MICU1: variants seen among roughly 807,000 people sequenced by gnomAD.
MICU1 encodes mitochondrial calcium uptake 1, also known as calcium uptake protein 1, mitochondrial.
MICU1 carries 45 observed loss-of-function variants against 56.8 expected under a neutral mutation model. The ratio of observed to expected loss-of-function variants is 0.79; its 90% CI spans 0.62 to 1.02. The LOEUF (loss-of-function observed/expected upper bound fraction) is 1.02, where lower values mean the gene tolerates loss of function less well. Ranked by LOEUF, MICU1 falls within the 50% of genes least tolerant of loss-of-function variation. The pLI is 0.00. For missense variants in MICU1, 504 were observed against 587.1 expected (o/e 0.86, Z 1.46); for synonymous variants, 186 against 195.1 (o/e 0.95, Z 0.39).
In MICU1 at chr10:72,465,316, T is replaced by G. The variant is rs548027403; in HGVS notation, c.933+9784A>C. Among the ~76,000 whole-genome samples the G allele has an allele frequency of 4.3e-4, 65 of 150,542 alleles. No individual in the cohort carries two copies. The South Asian group carries it at 9.2e-3, about 21-fold the overall frequency. ...CCCAGCCCATAGTTTTTTGTTTTTT[T>G]TTTTTTTTTTGGTAAAAACCCTTAA... On this transcript the variant is annotated intron_variant, in intron 8 of 11. Coordinates refer to ENST00000361114, the MANE Select transcript of MICU1 (RefSeq NM_001195518.2).
chr10:72,508,677 G>A (rs1204609260), intron 5 of MICU1: 1 of 153,084 alleles, frequency 6.5e-6, no homozygotes, highest in Non-Finnish European at 1.5e-5. Flanking sequence ...AGAAAAACTA[G>A]ACTGATAGTG....
chr10:72,423,155 A>C (rs1864232362), intron 9 of MICU1, 79 bp downstream of exon 9: 1 of 1,517,642 alleles, frequency 6.6e-7, no homozygotes, highest in African/African-American at 1.4e-5. Flanking sequence ...TACTCTCATC[A>C]TTATGTTAAT....
intron 2 of MICU1, among the ~76,000 whole-genome samples, chr10:72,565,528 T>C (rs1473492342): frequency 2.7e-5 from 4 of 149,586 alleles, no homozygotes; most frequent in Admixed American, 1.3e-4. Flanking sequence ...TTAGGAGATA[T>C]ACCTAATGTT....
chr10:72,376,619 G>A (rs944114306), intron 10 of MICU1, among the ~76,000 whole-genome samples: 11 of 152,138 alleles, frequency 7.2e-5, no homozygotes, highest in Non-Finnish European at 1.6e-4. Context: ...AACACTCTAT[G>A]TAACAGAGTG....
intron 10 of MICU1, 89 bp from the exon 11 acceptor site, chr10:72,375,961 A>T: frequency 8.3e-7 from 1 of 1,207,244 alleles, no homozygotes; most frequent in Non-Finnish European, 1.2e-6. Context: ...CAGTCATAAT[A>T]CAAGTTTTCA....
Position 72,508,241 on chromosome 10 carries a change from G to T in MICU1, c.566C>A (p.Ala189Asp). ...KKISQEREKF[A>D]DEGSIFYTLG... is the part of the protein sequence containing the mutation. The stretch of plus-strand genomic sequence containing the variant: ...GGTGTAAAATATACTGCCTTCATCA[G>T]CAAATTTTTCTCGTTCCTGGGAAAT... Residue 189 changes from alanine to aspartate, a missense_variant, in exon 6 of 12, where the codon GCT becomes GAT. Ala to Asp is a moderately radical substitution (Grantham distance 126). Coordinates refer to ENST00000361114, the MANE Select transcript of MICU1 (RefSeq NM_001195518.2). The T allele has an allele frequency of 1.3e-6, 2 of 1,522,286 alleles. No individual in the cohort carries two copies. The highest frequency in any genetic ancestry group is 1.8e-6 in the Non-Finnish European group (2 of 1,119,362). 94.3% of individuals were successfully genotyped at this position (1,522,286 alleles called of 1,614,324 possible). A position where few individuals can be genotyped will look rare whatever the true frequency, so the allele number is the denominator to read the frequency against.
At chr10:72,488,506 A>C (rs1866547533) in intron 6 of MICU1, among the ~76,000 whole-genome samples, 1 of 152,210 alleles carries the variant, frequency 6.6e-6, no homozygotes, top group Non-Finnish European at 1.5e-5. Flanking sequence ...AGAAAAGAGA[A>C]AAATATTATA....
chr10:72,599,442 C>T (rs1228891510), intron 1 of MICU1, among the ~76,000 whole-genome samples: 1 of 152,094 alleles, frequency 6.6e-6, no homozygotes, highest in Non-Finnish European at 1.5e-5. Context: ...CAACTCCATC[C>T]CACCTGGAAC....
chr10:72,519,666 G>GT (rs1867759273), intron 5 of MICU1, among the ~76,000 whole-genome samples: 1 of 152,204 alleles, frequency 6.6e-6, no homozygotes, highest in Non-Finnish European at 1.5e-5. Flanking sequence ...TGAGCGCTAA[G>GT]TGTGCTCAAA....
chr10:72,506,911 C>T (rs752967266), intron 6 of MICU1, among the ~76,000 whole-genome samples: 7 of 152,088 alleles, frequency 4.6e-5, no homozygotes, highest in Non-Finnish European at 8.8e-5. Context: ...ACTGCTCCAC[C>T]GTATGAATTT....
At chr10:72,495,320 C>T (rs1019039764) in intron 6 of MICU1, among the ~76,000 whole-genome samples, 3 of 151,874 alleles carry the variant, frequency 2.0e-5, no homozygotes, top group African/African-American at 4.8e-5. Context: ...GCCAAAGTGA[C>T]GGCTTATGCC....
intron 10 of MICU1, among the ~76,000 whole-genome samples, chr10:72,381,591 G>A (rs1589154435): frequency 2.0e-5 from 3 of 152,102 alleles, no homozygotes; most frequent in Non-Finnish European, 2.9e-5. Flanking sequence ...TGTTCTGTAC[G>A]GTGCTCTTAG....
At chr10:72,595,843 T>C (rs1183243368) in intron 1 of MICU1, among the ~76,000 whole-genome samples, 1 of 152,134 alleles carries the variant, frequency 6.6e-6, no homozygotes, top group Non-Finnish European at 1.5e-5. Flanking sequence ...GATGAAAACA[T>C]TCTAGGCCAG....
intron 8 of MICU1, among the ~76,000 whole-genome samples, chr10:72,471,930 T>TTGTGTGTGTGTG (rs58543867): frequency 3.8e-4 from 57 of 150,386 alleles, no homozygotes; most frequent in South Asian, 6.3e-4. Flanking sequence ...CACTATGCCT[T>TTGTGTGTGTGTG]TGTGTGTGTG....
chr10:72,403,670 T>TGTG (rs1554862082), intron 10 of MICU1, among the ~76,000 whole-genome samples: 10 of 149,576 alleles, frequency 6.7e-5, no homozygotes, highest in South Asian at 4.2e-4. Context: ...TGTGTGTGTG[T>TGTG]TTTGAGACGG....
chr10:72,600,872 C>T (rs1841513760), intron 1 of MICU1, among the ~76,000 whole-genome samples: 2 of 152,104 alleles, frequency 1.3e-5, no homozygotes. Flanking sequence ...GAACATATCC[C>T]CCCGTAGATA....
intron 1 of MICU1, among the ~76,000 whole-genome samples, chr10:72,613,636 A>G (rs1841908759): frequency 6.6e-6 from 1 of 152,064 alleles, no homozygotes; most frequent in Non-Finnish European, 1.5e-5. Context: ...CTACATAACT[A>G]CATTATCAAA....
chr10:72,552,045 T>C (rs1020726058), intron 3 of MICU1, among the ~76,000 whole-genome samples: 4 of 152,206 alleles, frequency 2.6e-5, no homozygotes, highest in African/African-American at 4.8e-5. Flanking sequence ...CAAAAGCTAG[T>C]AGGTCTTCAA....
chr10:72,408,645 C>T (rs1186067302), intron 9 of MICU1, among the ~76,000 whole-genome samples: 1 of 152,138 alleles, frequency 6.6e-6, no homozygotes, highest in East Asian at 1.9e-4. Context: ...TCCAATTAGA[C>T]ACACTATCAA....
Sources: gnomAD v4.1 joint callset for allele counts (sites outside exome capture counted in the v4.1 genomes callset) on GRCh38, gnomAD v4.1.1 for gene constraint, MANE v1.5 for transcripts, NCBI Gene and HGNC (gene_info 2026-07-23, HGNC 2026-07-21) for gene names.